The following APIP variants were observed in gnomAD, a reference collection of about 807,000 sequenced individuals.
APIP encodes APAF1 interacting protein, also known as methylthioribulose-1-phosphate dehydratase.
APIP carries 32 observed loss-of-function variants against 32.0 expected under a neutral mutation model. That is an observed-to-expected ratio of 1.00 (90% CI 0.76 to 1.34). The LOEUF is 1.34. APIP is among the 40% of genes most tolerant of loss of function. The pLI is 0.00. For missense variants in APIP, 247 were observed against 298.6 expected, an observed-to-expected ratio of 0.83 and a Z score of 1.27; for synonymous variants, 92 against 94.8, an observed-to-expected ratio of 0.97 and a Z score of 0.17.
At chr11:34,888,729 T>C (rs375428893) in intron 4 of APIP, 23 bp downstream of exon 4, 1 of 1,458,462 alleles carries the variant, frequency 6.9e-7, no homozygotes, top group African/African-American at 1.5e-5. Flanking sequence ...ATATTCTTTA[T>C]GTTGAATATA....
intron 5 of APIP, among the ~76,000 whole-genome samples, chr11:34,885,866 C>T (rs890523820): frequency 2.6e-5 from 4 of 152,096 alleles, no homozygotes; most frequent in South Asian, 2.1e-4. Flanking sequence ...GCCTAATGAC[C>T]GCATAGCTGT....
intron 3 of APIP, among the ~76,000 whole-genome samples, chr11:34,889,809 A>G (rs923973863): frequency 2.6e-5 from 4 of 152,160 alleles, no homozygotes; most frequent in Non-Finnish European, 5.9e-5. Context: ...TGCAAAGGAC[A>G]TGATCTTGTT....
In APIP at chr11:34,883,296, G is replaced by C. The variant is rs146983826; in HGVS notation, c.629+41C>G. The C allele has an allele frequency of 5.1e-4, 783 of 1,532,196 alleles. 15 individuals are homozygous for C. The East Asian group carries it at 0.011, about 22-fold the overall frequency. 94.9% of individuals were successfully genotyped at this position (1,532,196 alleles called of 1,614,324 possible). A position where few individuals can be genotyped will look rare whatever the true frequency, so the allele number is the denominator to read the frequency against. On this transcript the variant is annotated intron_variant, in intron 6 of 6. Transcript: ENST00000395787. ...TACTTTGTTTTCCTTCACATTTAGC[G>C]GGTGGTAACTTGTTCCCCATGTTCT...
chr11:34,916,152 C>T, intron 1 of APIP, 76 bp downstream of exon 1: 1 of 1,547,774 alleles, frequency 6.5e-7, no homozygotes, highest in South Asian at 1.2e-5. Context: ...CGCTACCCTG[C>T]GCCCAGCTCC....
intron 1 of APIP, among the ~76,000 whole-genome samples, chr11:34,896,021 A>T (rs1298725526): frequency 6.6e-6 from 1 of 152,238 alleles, no homozygotes; most frequent in Non-Finnish European, 1.5e-5. Context: ...AAGAAAGTAA[A>T]GTTTCACAGG....
chr11:34,900,862 C>T (rs1000380464), intron 1 of APIP, among the ~76,000 whole-genome samples: 4 of 152,008 alleles, frequency 2.6e-5, no homozygotes, highest in African/African-American at 9.7e-5. Flanking sequence ...CTCAATTACT[C>T]TAAACTGTCC....
chr11:34,916,025 C>G, intron 1 of APIP: 1 of 659,848 alleles, frequency 1.5e-6, no homozygotes, highest in East Asian at 3.0e-5. Flanking sequence ...AGCGCCCCGC[C>G]CGAGACCACT....
chr11:34,883,558 T>C (rs1177268621), intron 5 of APIP, 54 bp from the exon 6 acceptor site: 1 of 1,543,232 alleles, frequency 6.5e-7, no homozygotes, highest in African/African-American at 1.4e-5. Context: ...AGCATTGATA[T>C]GTATACAACA....
In APIP at chr11:34,888,273, G is replaced by T; in HGVS notation, c.461+20C>A. 1 of 1,491,054 alleles carries T rather than the reference G, an allele frequency of 6.7e-7. No homozygotes were observed. Among genetic ancestry groups the T allele is most frequent in the Non-Finnish European group, 8.9e-7 (1 of 1,122,390 alleles). The allele number at this position is 1,491,054 out of a possible 1,614,324, so 92.4% of individuals were successfully genotyped here. A position where few individuals can be genotyped will look rare whatever the true frequency, so the allele number is the denominator to read the frequency against. The stretch of plus-strand genomic sequence containing the variant: ...GAAGAATTCTTTTCAAATTATTTAA[G>T]AAAAAGGAAAAAAAAATACCTATAA... On this transcript the variant is annotated intron_variant, in intron 5 of 6. Coordinates refer to ENST00000395787, the MANE Select transcript of APIP (RefSeq NM_015957.4).
At chr11:34,883,316 T>A in intron 6 of APIP, 21 bp downstream of exon 6, 1 of 1,578,710 alleles carries the variant, frequency 6.3e-7, no homozygotes, top group Non-Finnish European at 8.6e-7. Context: ...TTGTTCCCCA[T>A]GTTCTCTGAT....
At chr11:34,890,617 G>T (rs1181946944) in intron 2 of APIP, 65 bp from the exon 3 acceptor site, 1 of 1,545,914 alleles carries the variant, frequency 6.5e-7, no homozygotes, top group South Asian at 1.1e-5. Context: ...AGAAAAGTTT[G>T]CAGTCCAATC....
chr11:34,915,099 G>A (rs1341730278), intron 1 of APIP, among the ~76,000 whole-genome samples: 2 of 151,068 alleles, frequency 1.3e-5, no homozygotes, highest in Non-Finnish European at 2.9e-5. Flanking sequence ...GCTGTCTGTG[G>A]GCCATGTTTG....
At chr11:34,886,432 A>G (rs1853072044) in intron 5 of APIP, among the ~76,000 whole-genome samples, 2 of 152,174 alleles carry the variant, frequency 1.3e-5, no homozygotes, top group Non-Finnish European at 2.9e-5. Context: ...CAAGAGTCCA[A>G]AAGTTAAAAA....
In APIP at chr11:34,904,019, C is replaced by T. The variant is rs114955798; in HGVS notation, c.58-8909G>A. Reference sequence around the variant, plus strand: ...TGTGAAGTCTGTCTTAAAAATAATCCCCTGAAAATGTGACTCCTTCCTCCT... The same window carrying T: ...TGTGAAGTCTGTCTTAAAAATAATCTCCTGAAAATGTGACTCCTTCCTCCT... On this transcript the variant is annotated intron_variant, in intron 1 of 6. Transcript: ENST00000395787. Among the ~76,000 whole-genome samples, 797 of 152,178 alleles carry T rather than the reference C, an allele frequency of 5.2e-3. 10 individuals carry two copies. The highest frequency in any genetic ancestry group is 0.018 in the African/African-American group (758 of 41,498).
chr11:34,907,996 T>A (rs1475096807), intron 1 of APIP, among the ~76,000 whole-genome samples: 1 of 152,166 alleles, frequency 6.6e-6, no homozygotes, highest in African/African-American at 2.4e-5. Flanking sequence ...TAGGCATATA[T>A]TCCTCAGATA....
chr11:34,894,956 C>T (rs1590706392), intron 2 of APIP, 54 bp downstream of exon 2: 1 of 1,443,828 alleles, frequency 6.9e-7, no homozygotes. Flanking sequence ...ATTAGACTTG[C>T]TGTGGTCTAC....
chr11:34,885,589 T>C (rs993986925), intron 5 of APIP, among the ~76,000 whole-genome samples: 2 of 152,108 alleles, frequency 1.3e-5, no homozygotes, highest in Non-Finnish European at 2.9e-5. Flanking sequence ...TGTCGGGCAA[T>C]TGTCAGTCGG....
chr11:34,903,714 C>T (rs1226074674), intron 1 of APIP, among the ~76,000 whole-genome samples: 1 of 152,212 alleles, frequency 6.6e-6, no homozygotes, highest in Non-Finnish European at 1.5e-5. Context: ...ACACACTTCA[C>T]ACCCCTCTAA....
chr11:34,892,217 A>G (rs566286883), intron 2 of APIP, among the ~76,000 whole-genome samples: 1 of 152,314 alleles, frequency 6.6e-6, no homozygotes, highest in Non-Finnish European at 1.5e-5. Flanking sequence ...TAAAAATGAC[A>G]GAGCTTTTTA....
Sources: allele counts gnomAD v4.1 joint callset (sites outside exome capture counted in the v4.1 genomes callset), GRCh38; gene constraint gnomAD v4.1.1; transcripts MANE v1.5; gene names NCBI Gene and HGNC (gene_info 2026-07-23, HGNC 2026-07-21).